EBF1: variants seen among roughly 807,000 people sequenced by gnomAD.
EBF1 encodes EBF transcription factor 1.
A neutral mutation model predicts 68.4 loss-of-function variants in EBF1; 10 were observed. The observed-to-expected ratio is 0.15, with a 90% CI of 0.09 to 0.25. The LOEUF is 0.25. EBF1 is among the 10% of genes least tolerant of loss of function. The pLI is 1.00. For missense variants in EBF1, 509 were observed against 794.4 expected, an observed-to-expected ratio of 0.64 and a Z score of 4.32; for synonymous variants, 298 against 299.8, an observed-to-expected ratio of 0.99 and a Z score of 0.06.
intron 6 of EBF1, among the ~76,000 whole-genome samples, chr5:158,949,411 C>G (rs1448871210): frequency 3.3e-5 from 5 of 152,174 alleles, no homozygotes; most frequent in Admixed American, 2.0e-4. Context: ...GGGAGGATTG[C>G]TTGAGGCCAG....
At chr5:158,915,661 G>A (rs958412296) in intron 6 of EBF1, among the ~76,000 whole-genome samples, 8 of 152,164 alleles carry the variant, frequency 5.3e-5, no homozygotes, top group African/African-American at 1.9e-4. Context: ...AGAAACAGAT[G>A]CCTGTTGCCT....
At chr5:158,886,892 C>T (rs1800153054) in intron 6 of EBF1, among the ~76,000 whole-genome samples, 1 of 152,114 alleles carries the variant, frequency 6.6e-6, no homozygotes, top group Non-Finnish European at 1.5e-5. Flanking sequence ...ATCCCAGCTA[C>T]TCAGGAAGCT....
intron 11 of EBF1, among the ~76,000 whole-genome samples, chr5:158,725,548 A>G (rs1416991580): frequency 1.3e-5 from 2 of 152,270 alleles, no homozygotes; most frequent in Non-Finnish European, 2.9e-5. Flanking sequence ...CTGTGTTGCC[A>G]TAACAACATG....
chr5:158,764,776 T>G (rs1450694973), intron 10 of EBF1, among the ~76,000 whole-genome samples: 2 of 152,160 alleles, frequency 1.3e-5, no homozygotes, highest in Non-Finnish European at 1.5e-5. Context: ...CTGGGATAAG[T>G]CCATTTGGTA....
chr5:158,843,810 A>G (rs902279113), intron 6 of EBF1, among the ~76,000 whole-genome samples: 1 of 152,220 alleles, frequency 6.6e-6, no homozygotes, highest in Non-Finnish European at 1.5e-5. Context: ...AGTTAAAAAT[A>G]TCCCCACTGA....
intron 6 of EBF1, among the ~76,000 whole-genome samples, chr5:158,860,521 G>A (rs1030530707): frequency 1.3e-5 from 2 of 152,136 alleles, no homozygotes; most frequent in Non-Finnish European, 1.5e-5. Flanking sequence ...ATGTGGACAG[G>A]AGCCACCTCT....
chr5:159,044,805 T>A (rs935985496), intron 6 of EBF1, among the ~76,000 whole-genome samples: 2 of 152,174 alleles, frequency 1.3e-5, no homozygotes, highest in Non-Finnish European at 2.9e-5. Context: ...CCTTATCTCA[T>A]CTATTTCATA....
intron 10 of EBF1, among the ~76,000 whole-genome samples, chr5:158,755,299 T>A (rs2127599748): frequency 6.6e-6 from 1 of 152,104 alleles, no homozygotes; most frequent in East Asian, 1.9e-4. Flanking sequence ...CCTGGCCATA[T>A]CCCCTCCCCA....
At chr5:158,896,428 A>T (rs200746602) in intron 6 of EBF1, among the ~76,000 whole-genome samples, 1 of 152,198 alleles carries the variant, frequency 6.6e-6, no homozygotes, top group East Asian at 1.9e-4. Context: ...AATAATAGTA[A>T]TCGCTACCAT....
At chr5:158,810,704 A>G (rs1782485922) in intron 8 of EBF1, among the ~76,000 whole-genome samples, 1 of 152,196 alleles carries the variant, frequency 6.6e-6, no homozygotes, top group Non-Finnish European at 1.5e-5. Context: ...TTAATTTCAC[A>G]GATTGGGATA....
intron 8 of EBF1, among the ~76,000 whole-genome samples, chr5:158,813,803 C>A (rs190190251): frequency 6.6e-6 from 1 of 152,070 alleles, no homozygotes; most frequent in East Asian, 1.9e-4. Flanking sequence ...AATGGTCAAA[C>A]AAAAATATTT....
intron 6 of EBF1, among the ~76,000 whole-genome samples, chr5:158,843,597 C>A (rs146077545): frequency 6.6e-6 from 1 of 152,184 alleles, no homozygotes; most frequent in Admixed American, 6.5e-5. Flanking sequence ...GGGGAAGACA[C>A]GGCCATCAAC....
At chr5:158,952,859 G>T (rs558827637) in intron 6 of EBF1, among the ~76,000 whole-genome samples, 2 of 152,150 alleles carry the variant, frequency 1.3e-5, no homozygotes, top group South Asian at 4.1e-4. Flanking sequence ...GGGACATAAG[G>T]CTTAGGTATC....
intron 6 of EBF1, among the ~76,000 whole-genome samples, chr5:158,971,076 C>A (rs1755555281): frequency 6.6e-6 from 1 of 152,162 alleles, no homozygotes; most frequent in African/African-American, 2.4e-5. Context: ...CCTATTAGGC[C>A]TTTTCATCTT....
chr5:159,063,541 C>G (rs987297514), intron 6 of EBF1, among the ~76,000 whole-genome samples: 31 of 152,062 alleles, frequency 2.0e-4, no homozygotes, highest in African/African-American at 7.2e-4. Flanking sequence ...AGAGATCAAC[C>G]CTGAGACACT....
intron 6 of EBF1, among the ~76,000 whole-genome samples, chr5:158,917,333 C>T (rs1338908927): frequency 6.6e-6 from 1 of 152,178 alleles, no homozygotes; most frequent in Non-Finnish European, 1.5e-5. Flanking sequence ...CAATTCTTGT[C>T]CTCCTTACTC....
intron 6 of EBF1, among the ~76,000 whole-genome samples, chr5:158,842,510 T>A (rs563836253): frequency 1.3e-5 from 2 of 152,304 alleles, no homozygotes; most frequent in South Asian, 4.1e-4. Context: ...ACACCCAGAA[T>A]AATGAGATTC....
chr5:158,925,117 C>T (rs1216127186), intron 6 of EBF1, among the ~76,000 whole-genome samples: 1 of 152,118 alleles, frequency 6.6e-6, no homozygotes, highest in African/African-American at 2.4e-5. Flanking sequence ...TCTCCTCACA[C>T]CCAAAATCAA....
intron 6 of EBF1, among the ~76,000 whole-genome samples, chr5:158,873,708 G>A (rs961555697): frequency 1.3e-5 from 2 of 152,196 alleles, no homozygotes; most frequent in African/African-American, 4.8e-5. Context: ...AAATGTGAGG[G>A]AGGTGTTAAA....
Sources: gnomAD v4.1 joint callset for allele counts (sites outside exome capture counted in the v4.1 genomes callset) on GRCh38, gnomAD v4.1.1 for gene constraint, MANE v1.5 for transcripts, NCBI Gene and HGNC (gene_info 2026-07-23, HGNC 2026-07-21) for gene names.